CCDC170: variants seen among roughly 807,000 people sequenced by gnomAD.
The protein encoded by CCDC170 is coiled-coil domain-containing protein 170.
Under a neutral mutation model 72.6 loss-of-function variants are expected in CCDC170, and 69 were observed. The observed-to-expected ratio is 0.95, with a 90% CI of 0.78 to 1.16. CCDC170 has a LOEUF of 1.16. Ranked by LOEUF, CCDC170 falls within the 50% of genes most tolerant of loss-of-function variation. CCDC170 has a pLI of 0.00. For synonymous variants in CCDC170, 300 were observed against 303.9 expected (o/e 0.99, Z 0.13); for missense variants, 852 against 832.5 (o/e 1.02, Z -0.29).
intron 9 of CCDC170, 103 bp downstream of exon 9, chr6:151,596,680 T>C: frequency 6.8e-7 from 1 of 1,469,258 alleles, no homozygotes; most frequent in Non-Finnish European, 9.1e-7. Flanking sequence ...AGAAGAAAGA[T>C]GAAAGCCTCC....
chr6:151,597,276 C>A (rs897280118), intron 9 of CCDC170, among the ~76,000 whole-genome samples: 1 of 152,142 alleles, frequency 6.6e-6, no homozygotes, highest in African/African-American at 2.4e-5. Flanking sequence ...CAGGTGTGCA[C>A]CACCATGCCA....
At chr6:151,588,237 T>C (rs1333691791) in intron 7 of CCDC170, among the ~76,000 whole-genome samples, 2 of 152,104 alleles carry the variant, frequency 1.3e-5, no homozygotes, top group Non-Finnish European at 2.9e-5. Flanking sequence ...CTGGGCCACA[T>C]TGGAAGAAGA....
At chr6:151,529,784 G>A (rs1364862701) in intron 1 of CCDC170, among the ~76,000 whole-genome samples, 1 of 152,186 alleles carries the variant, frequency 6.6e-6, no homozygotes, top group Non-Finnish European at 1.5e-5. Flanking sequence ...TCCAGTTTCT[G>A]TTGCTATAAC....
chr6:151,606,918 A>G (rs1776795071), intron 9 of CCDC170, among the ~76,000 whole-genome samples: 2 of 152,020 alleles, frequency 1.3e-5, no homozygotes, highest in African/African-American at 2.4e-5. Context: ...TTCTAAGTAT[A>G]GCTAGTTCTG....
intron 1 of CCDC170, among the ~76,000 whole-genome samples, chr6:151,524,511 A>G (rs1397875981): frequency 6.6e-6 from 1 of 152,200 alleles, no homozygotes; most frequent in Non-Finnish European, 1.5e-5. Context: ...AGGATGTAAA[A>G]CTGAAAACCT....
In CCDC170 at chr6:151,594,047, C is replaced by A. The variant is rs2115116290; in HGVS notation, c.1467+767C>A. 1.3e-5 allele frequency among the ~76,000 whole-genome samples: 2 copies of A among 152,212 alleles called. 1 individual carries two copies. The highest frequency in any genetic ancestry group is 4.2e-4 in the South Asian group (2 of 4,818). On this transcript the variant is annotated intron_variant, in intron 8 of 10. Transcript: ENST00000239374. ...AGAGAGAAGGGCTTACTTTTCTTCACTCAAAGGAAGAGTTAGAAACAGTTT... is the reference window on the plus strand; with the variant it reads ...AGAGAGAAGGGCTTACTTTTCTTCAATCAAAGGAAGAGTTAGAAACAGTTT...
intron 6 of CCDC170, among the ~76,000 whole-genome samples, chr6:151,580,608 T>G (rs1371832668): frequency 6.6e-6 from 1 of 152,144 alleles, no homozygotes; most frequent in Non-Finnish European, 1.5e-5. Flanking sequence ...CACTAAAAAT[T>G]TCCTTGGTAA....
intron 1 of CCDC170, among the ~76,000 whole-genome samples, chr6:151,519,914 A>G (rs1264566605): frequency 6.6e-6 from 1 of 152,212 alleles, no homozygotes; most frequent in African/African-American, 2.4e-5. Context: ...TTTCATTGCC[A>G]TCTTGATTTT....
At chr6:151,554,158 G>T (rs538553574) in intron 5 of CCDC170, among the ~76,000 whole-genome samples, 3 of 152,252 alleles carry the variant, frequency 2.0e-5, no homozygotes, top group African/African-American at 7.2e-5. Context: ...TTGGTACTTG[G>T]TACTTTTTCC....
At chr6:151,514,802 G>T (rs1782211573) in intron 1 of CCDC170, among the ~76,000 whole-genome samples, 1 of 152,192 alleles carries the variant, frequency 6.6e-6, no homozygotes, top group Non-Finnish European at 1.5e-5. Context: ...AGTCGGAAGG[G>T]AGAGCAGTGA....
intron 8 of CCDC170, among the ~76,000 whole-genome samples, chr6:151,595,882 T>C (rs908565134): frequency 6.6e-6 from 1 of 152,158 alleles, no homozygotes; most frequent in East Asian, 1.9e-4. Context: ...TTCTAAGGGA[T>C]TGAAATGAGC....
chr6:151,513,500 C>T (rs985428893), intron 1 of CCDC170, among the ~76,000 whole-genome samples: 1 of 149,796 alleles, frequency 6.7e-6, no homozygotes, highest in South Asian at 2.1e-4. Context: ...GTTACAGCTA[C>T]TGGGGAGGGT....
At chr6:151,588,023 C>A (rs906157604) in intron 7 of CCDC170, among the ~76,000 whole-genome samples, 5 of 151,924 alleles carry the variant, frequency 3.3e-5, no homozygotes, top group Non-Finnish European at 7.4e-5. Flanking sequence ...GTGCAGGGAG[C>A]CTGGGACATG....
At chr6:151,548,574 A>G (rs1241422327) in intron 5 of CCDC170, 85 bp downstream of exon 5, 2 of 1,223,084 alleles carry the variant, frequency 1.6e-6, no homozygotes, top group East Asian at 4.9e-5. Flanking sequence ...TAAGTGCCCT[A>G]GAACTACTGA....
intron 1 of CCDC170, among the ~76,000 whole-genome samples, chr6:151,495,896 T>C (rs1030926505): frequency 2.6e-5 from 4 of 152,216 alleles, no homozygotes; most frequent in African/African-American, 9.7e-5. Context: ...ATGTTTAGCA[T>C]TGTGACAATA....
At chr6:151,514,332 G>A (rs981794103) in intron 1 of CCDC170, among the ~76,000 whole-genome samples, 3 of 126,414 alleles carry the variant, frequency 2.4e-5, no homozygotes, top group African/African-American at 9.1e-5. Flanking sequence ...AAGAAAGGAA[G>A]GAAGGAGGGA....
chr6:151,587,289 G>T (rs1460500082), intron 7 of CCDC170, among the ~76,000 whole-genome samples: 2 of 152,110 alleles, frequency 1.3e-5, no homozygotes, highest in African/African-American at 2.4e-5. Context: ...GAGAGCAAAA[G>T]CCAGTTTGTT....
At chr6:151,521,829 CA>C (rs1223972357) in intron 1 of CCDC170, among the ~76,000 whole-genome samples, 1 of 151,678 alleles carries the variant, frequency 6.6e-6, no homozygotes, top group South Asian at 2.1e-4. Flanking sequence ...TAAAAAAATA[CA>C]AAAAAATTAG....
rs575275552 is a variant in CCDC170, at chr6:151,550,896, C to T, written c.774+2407C>T. Among the ~76,000 whole-genome samples, 123 of 152,190 alleles carry T rather than the reference C, an allele frequency of 8.1e-4. 1 individual carries two copies. The highest frequency in any genetic ancestry group is 1.5e-3 in the Non-Finnish European group (99 of 68,040). On this transcript the variant is annotated intron_variant, in intron 5 of 10. Transcript: ENST00000239374. ...GAACCTAATCATCTCCCAAAGGCCC[C>T]ACCCACAAATACCATCACATTGGGG...
Sources: gnomAD v4.1 joint callset for allele counts (sites outside exome capture counted in the v4.1 genomes callset) on GRCh38, gnomAD v4.1.1 for gene constraint, MANE v1.5 for transcripts, NCBI Gene and HGNC (gene_info 2026-07-23, HGNC 2026-07-21) for gene names.